The following ZNF718 variants were observed in gnomAD, a reference collection of about 807,000 sequenced individuals.
The protein encoded by ZNF718 is zinc finger protein 718.
Under a neutral mutation model 2.6 loss-of-function variants are expected in ZNF718, and 3 were observed. The observed-to-expected ratio is 1.16, with a 90% confidence interval of 0.53 to 3.01. ZNF718 has a LOEUF of 3.01. ZNF718 is among the 30% of genes most tolerant of loss of function. The pLI, the probability that ZNF718 is intolerant of heterozygous loss-of-function variation, is 0.03. For missense variants in ZNF718, 468 were observed against 230.0 expected (o/e 2.03, Z -6.69); for synonymous variants, 135 against 77.9 (o/e 1.73, Z -3.86).
In ZNF718 at chr4:127,264, G is replaced by C. The variant is rs1405527017; in HGVS notation, c.3+2591G>C. 3.2e-4 allele frequency among the ~76,000 whole-genome samples: 33 copies of C among 104,582 alleles called. 11 individuals are homozygous for C. Among genetic ancestry groups the C allele is most frequent in the Non-Finnish European group, 6.2e-4 (29 of 46,856 alleles). The allele number at this position is 104,582 out of a possible 152,430, so 68.6% of individuals were successfully genotyped here. A position where few individuals can be genotyped will look rare whatever the true frequency, so the allele number is the denominator to read the frequency against. On this transcript the variant is annotated intron_variant, in intron 1 of 3. Coordinates refer to ENST00000510175, the MANE Select transcript of ZNF718 (RefSeq NM_001039127.6). ...CCACAACCCACAATTGTATGACAAA[G>C]TGCAGCAAGGTGCTCCCCAAATCTG... is the stretch of plus-strand genomic sequence containing the variant.
intron 1 of ZNF718, among the ~76,000 whole-genome samples, chr4:125,754 T>C (rs1205945081): frequency 6.6e-6 from 1 of 152,082 alleles, no homozygotes; most frequent in Non-Finnish European, 1.5e-5. Flanking sequence ...CACCCAATGC[T>C]AACCCACTCC....
At chr4:132,115 C>T (rs1166525119) in intron 3 of ZNF718, among the ~76,000 whole-genome samples, 1 of 72,126 alleles carries the variant, frequency 1.4e-5, no homozygotes, top group Non-Finnish European at 2.8e-5. Flanking sequence ...CCAGCCTGGG[C>T]GACAGAGCGA....
chr4:140,260 A>C (rs546670696), intron 3 of ZNF718, among the ~76,000 whole-genome samples: 2 of 152,168 alleles, frequency 1.3e-5, no homozygotes, highest in African/African-American at 4.8e-5. Context: ...GACATCTGAC[A>C]CTGAGATCGG....
Position 194,122 on chromosome 4 carries a change from G to A in ZNF718, c.227-6959G>A, listed in dbSNP as rs576835670. On this transcript the variant is annotated intron_variant and NMD_transcript_variant, in intron 3 of 4. Coordinates refer to the ZNF718 transcript ENST00000642529. The stretch of plus-strand genomic sequence containing the variant: ...ATCTCTATTATAAAAAACCAAGGCT[G>A]CCAAGTTCAATAGGGTTTCTAAGTT... Among the ~76,000 whole-genome samples the A allele has an allele frequency of 1.6e-4, 25 of 152,258 alleles. No homozygotes were observed. In the South Asian group the frequency reaches 5.2e-3, roughly 32 times the overall value.
intron 3 of ZNF718, among the ~76,000 whole-genome samples, chr4:155,491 A>T (rs542900069): frequency 1.3e-5 from 2 of 152,320 alleles, no homozygotes; most frequent in Admixed American, 6.5e-5. Context: ...TGAGACATGG[A>T]GTCAAAGGAC....
chr4:134,985 C>T (rs543040593), intron 3 of ZNF718, among the ~76,000 whole-genome samples: 5 of 152,068 alleles, frequency 3.3e-5, no homozygotes, highest in East Asian at 3.9e-4. Context: ...GGCTCACGAC[C>T]GTAATCCCAG....
intron 3 of ZNF718, among the ~76,000 whole-genome samples, chr4:143,358 T>C (rs1405490589): frequency 6.6e-6 from 1 of 152,130 alleles, no homozygotes; most frequent in Non-Finnish European, 1.5e-5. Flanking sequence ...TGGCTAATTT[T>C]TCTATTTTTA....
At chr4:165,974 A>G (rs1302459294), downstream of ZNF718, among the ~76,000 whole-genome samples, 1 of 152,192 alleles carries the variant, frequency 6.6e-6, no homozygotes, top group Non-Finnish European at 1.5e-5. Flanking sequence ...GTCATTTAAT[A>G]TTAGATATAT....
At position 133,226 on chromosome 4, in the gene ZNF718, A is replaced by G. The variant is rs1688285132; in HGVS notation, c.226+1721A>G. On this transcript the variant is annotated intron_variant, in intron 3 of 3. Coordinates refer to ENST00000510175, the MANE Select transcript of ZNF718 (RefSeq NM_001039127.6). ...TATATATATATATATATATATATAT[A>G]TATGGTAACACTAATAATAGCTGAT... Among the ~76,000 whole-genome samples, 2 of 135,882 alleles carry G rather than the reference A, an allele frequency of 1.5e-5. 1 individual carries two copies. Among genetic ancestry groups the G allele is most frequent in the Non-Finnish European group, 3.2e-5 (2 of 63,476 alleles). The allele number at this position is 135,882 out of a possible 152,430, so 89.1% of individuals were successfully genotyped here.
At chr4:136,433 A>G in intron 3 of ZNF718, 1 of 521,490 alleles carries the variant, frequency 1.9e-6, no homozygotes, top group Non-Finnish European at 3.8e-6. Flanking sequence ...TGTGTACTGT[A>G]GCTGAGAGGA....
chr4:144,862 G>A (rs145344823), intron 3 of ZNF718, among the ~76,000 whole-genome samples: 4 of 152,184 alleles, frequency 2.6e-5, no homozygotes, highest in South Asian at 2.1e-4. Context: ...TTGACTAAAT[G>A]TATGAGTTCT....
chr4:181,816 C>T (rs1213107860), intron 3 of ZNF718, among the ~76,000 whole-genome samples: 1 of 152,100 alleles, frequency 6.6e-6, no homozygotes, highest in African/African-American at 2.4e-5. Flanking sequence ...CCTCTACTTC[C>T]TCTCACCTTC....
intron 3 of ZNF718, among the ~76,000 whole-genome samples, chr4:149,247 G>A (rs1297738023): frequency 6.6e-6 from 1 of 152,192 alleles, no homozygotes; most frequent in Admixed American, 6.5e-5. Flanking sequence ...TATTGACATG[G>A]CTCATTTTCA....
chr4:142,961 T>A (rs893531014), intron 3 of ZNF718, among the ~76,000 whole-genome samples: 6 of 152,244 alleles, frequency 3.9e-5, no homozygotes, highest in African/African-American at 1.4e-4. Context: ...CCTTGTGTGC[T>A]GTATTCTCTC....
At position 193,996 on chromosome 4, in the gene ZNF718, C is replaced by A. The variant is rs184197498; in HGVS notation, c.227-7085C>A. On this transcript the variant is annotated intron_variant and NMD_transcript_variant, in intron 3 of 4. Transcript: ENST00000642529. Reference sequence around the variant, plus strand: ...CCTATTAGGCATTTGATTTGCCCAGCCTTTCCCTGTTCCAGAGCCTCCAAA... The same window carrying A: ...CCTATTAGGCATTTGATTTGCCCAGACTTTCCCTGTTCCAGAGCCTCCAAA... 2.1e-4 allele frequency among the ~76,000 whole-genome samples: 32 copies of A among 152,276 alleles called. No individual in the cohort carries two copies. In the East Asian group the frequency reaches 5.6e-3, roughly 27 times the overall value.
At chr4:155,182 G>A (rs535079027) in intron 3 of ZNF718, among the ~76,000 whole-genome samples, 1 of 152,342 alleles carries the variant, frequency 6.6e-6, no homozygotes, top group East Asian at 1.9e-4. Context: ...CTGCAGGGGT[G>A]TGGCCCTCAT....
chr4:171,773 C>T lies in ZNF718; in HGVS notation c.227-29308C>T, dbSNP rs1424905979. On this transcript the variant is annotated intron_variant and NMD_transcript_variant, in intron 3 of 4. Transcript: ENST00000642529. ...TTTCTTTGACTAGGAAAGGGAATTC[C>T]CTGACCCGTTGTGCTTCCCGGGTGA... Among the ~76,000 whole-genome samples the T allele has an allele frequency of 3.3e-5, 5 of 152,182 alleles. No homozygotes were observed. In the East Asian group the frequency reaches 7.7e-4, roughly 24 times the overall value.
rs143367202 is a variant in ZNF718, at chr4:193,071, G to T, written c.227-8010G>T. On this transcript the variant is annotated intron_variant and NMD_transcript_variant, in intron 3 of 4. Coordinates refer to the ZNF718 transcript ENST00000642529. ...CAGTGGCTAGCCATCCTGAGGGGAG[G>T]AAACTATGTCCTTGTGAGGTTCCCC... 5.0e-4 allele frequency among the ~76,000 whole-genome samples: 76 copies of T among 152,292 alleles called. 1 individual carries two copies. In the East Asian group the frequency reaches 0.014, roughly 29 times the overall value.
chr4:137,302 G>A (rs1487863193), intron 3 of ZNF718, among the ~76,000 whole-genome samples: 2 of 152,132 alleles, frequency 1.3e-5, no homozygotes, highest in Non-Finnish European at 2.9e-5. Flanking sequence ...CTAATACAGT[G>A]AATATTGCTG....
Sources: gnomAD v4.1 joint callset for allele counts (sites outside exome capture counted in the v4.1 genomes callset) on GRCh38, gnomAD v4.1.1 for gene constraint, MANE v1.5 for transcripts, NCBI Gene and HGNC (gene_info 2026-07-23, HGNC 2026-07-21) for gene names.